The following ENPP1 variants were observed in gnomAD, a reference collection of about 807,000 sequenced individuals.
ENPP1 encodes ectonucleotide pyrophosphatase/phosphodiesterase 1.
In ENPP1, 73 loss-of-function variants were observed where a neutral mutation model predicts 122.8. The observed-to-expected ratio is 0.59, with a 90% CI of 0.49 to 0.72. ENPP1 has a LOEUF of 0.72. Ranked by LOEUF, ENPP1 falls within the 30% of genes least tolerant of loss-of-function variation. The pLI, the probability that ENPP1 is intolerant of heterozygous loss-of-function variation, is 0.00. For missense variants in ENPP1, 978 were observed against 1,128.1 expected (o/e 0.87, Z 1.91); for synonymous variants, 367 against 391.6 (o/e 0.94, Z 0.74).
chr6:131,821,758 G>A (rs12201710), intron 1 of ENPP1, among the ~76,000 whole-genome samples: 30,551 of 151,932 alleles, frequency 0.2, 3,630 homozygotes, highest in Admixed American at 0.27. Context: ...GCTTTCCATC[G>A]CACGATCAAT....
At chr6:131,859,611 G>C (rs1030763856) in intron 7 of ENPP1, among the ~76,000 whole-genome samples, 1 of 22,516 alleles carries the variant, frequency 4.4e-5, no homozygotes, top group Non-Finnish European at 8.9e-5. Flanking sequence ...GGGGCGGATG[G>C]GGGGAATGTG....
In ENPP1 at chr6:131,869,803, C is replaced by CTAA. The variant is rs1782137956; in HGVS notation, c.1405+315_1405+317dup. On this transcript the variant is annotated intron_variant, in intron 13 of 24. Coordinates refer to ENST00000647893, the MANE Select transcript of ENPP1 (RefSeq NM_006208.3). The stretch of plus-strand genomic sequence containing the variant: ...CCCAGGAGGCGGAGGTTACAGTGAG[C>CTAA]TAAGATCATGCCACTGTACTCCAGC... Among the ~76,000 whole-genome samples, 6 of 143,888 alleles carry CTAA rather than the reference C, an allele frequency of 4.2e-5. No individual in the cohort carries two copies. In the South Asian group the frequency reaches 1.1e-3, roughly 26 times the overall value. The allele number at this position is 143,888 out of a possible 152,430, so 94.4% of individuals were successfully genotyped here.
At chr6:131,828,093 A>G (rs1452914968) in intron 1 of ENPP1, 6 of 614,228 alleles carry the variant, frequency 9.8e-6, no homozygotes, top group Middle Eastern at 2.8e-4. Flanking sequence ...TTCTCGTAAC[A>G]GACAGCGTTG....
intron 1 of ENPP1, among the ~76,000 whole-genome samples, chr6:131,823,668 C>T (rs1781508471): frequency 6.6e-6 from 1 of 151,758 alleles, no homozygotes; most frequent in African/African-American, 2.4e-5. Context: ...TCAAATGAAA[C>T]ATTCTTTAGA....
intron 7 of ENPP1, 102 bp from the exon 8 acceptor site, chr6:131,860,285 A>G (rs1279671453): frequency 3.3e-6 from 3 of 900,574 alleles, no homozygotes; most frequent in African/African-American, 1.7e-5. Context: ...TTATAATTCC[A>G]TGTAGCTTCA....
intron 1 of ENPP1, among the ~76,000 whole-genome samples, chr6:131,844,971 T>C (rs375516123): frequency 8.6e-5 from 13 of 151,174 alleles, no homozygotes; most frequent in African/African-American, 3.2e-4. Context: ...ATGTGATAGA[T>C]GAGAAGAAGG....
At chr6:131,866,164 A>G (rs1782088569) in intron 11 of ENPP1, among the ~76,000 whole-genome samples, 1 of 152,168 alleles carries the variant, frequency 6.6e-6, no homozygotes, top group South Asian at 2.1e-4. Flanking sequence ...AGGTATTGCC[A>G]GGATCCCTCC....
At chr6:131,857,497 G>A (rs939048856) in intron 6 of ENPP1, among the ~76,000 whole-genome samples, 11 of 150,482 alleles carry the variant, frequency 7.3e-5, no homozygotes, top group Non-Finnish European at 1.0e-4. Flanking sequence ...CATGTCCTTT[G>A]TAGGGACATG....
At chr6:131,883,854 A>G in intron 22 of ENPP1, 80 bp downstream of exon 22, 1 of 762,280 alleles carries the variant, frequency 1.3e-6, no homozygotes, top group Non-Finnish European at 2.4e-6. Flanking sequence ...AATAGGACTT[A>G]TGGTCTAAAT....
chr6:131,848,418 C>A (rs533988616), intron 2 of ENPP1, among the ~76,000 whole-genome samples: 1 of 152,050 alleles, frequency 6.6e-6, no homozygotes, highest in Non-Finnish European at 1.5e-5. Context: ...TAGTTCCCCC[C>A]CCATCCTCTC....
intron 16 of ENPP1, among the ~76,000 whole-genome samples, chr6:131,875,004 C>A (rs1305876057): frequency 1.3e-5 from 2 of 152,052 alleles, no homozygotes; most frequent in Admixed American, 6.6e-5. Flanking sequence ...GGTAGCTAAA[C>A]AGTAGGCAAA....
chr6:131,826,988 A>G (rs1396198893), intron 1 of ENPP1: 3 of 462,586 alleles, frequency 6.5e-6, no homozygotes, highest in Non-Finnish European at 8.0e-6. Flanking sequence ...CCAGTGCAGG[A>G]TGGTCTACTA....
intron 13 of ENPP1, 61 bp downstream of exon 13, chr6:131,869,550 C>T (rs753346187): frequency 2.5e-5 from 39 of 1,548,742 alleles, no homozygotes; most frequent in Non-Finnish European, 3.1e-5. Flanking sequence ...TCCTTTAGGC[C>T]GGGCACAGTG....
At chr6:131,833,747 G>A (rs1781640371) in intron 1 of ENPP1, among the ~76,000 whole-genome samples, 1 of 152,196 alleles carries the variant, frequency 6.6e-6, no homozygotes, top group African/African-American at 2.4e-5. Flanking sequence ...AGATGCTGAA[G>A]TAAATCAGTA....
At chr6:131,854,639 C>G (rs2114695876) in intron 5 of ENPP1, among the ~76,000 whole-genome samples, 1 of 152,088 alleles carries the variant, frequency 6.6e-6, no homozygotes, top group South Asian at 2.1e-4. Flanking sequence ...CAGCAGGAAC[C>G]ATGAATGATG....
At position 131,893,450 on chromosome 6, in the gene ENPP1, G is replaced by A. The variant is rs1782499055; in HGVS notation, c.*2939G>A. 1 of 152,252 alleles carries A rather than the reference G, an allele frequency of 6.6e-6. No individual in the cohort carries two copies. The highest frequency in any genetic ancestry group is 2.4e-5 in the African/African-American group (1 of 41,468). 9.4% of individuals were successfully genotyped at this position (152,252 alleles called of 1,614,324 possible). ...GCCTTGGGGCTAAGGCTTGTAGGGT[G>A]AATTGGAACTTTTCAGATGAGCAAG... On this transcript the variant is annotated 3_prime_UTR_variant, in exon 25 of 25. Transcript: ENST00000647893.
rs555868405 is a variant in ENPP1, at chr6:131,833,102, T to C, written c.241-14674T>C. Among the ~76,000 whole-genome samples the C allele has an allele frequency of 2.0e-5, 3 of 152,342 alleles. No individual in the cohort carries two copies. In the South Asian group the frequency reaches 6.2e-4, roughly 32 times the overall value. ...AATAGAAATGGAATTGCAAGAGTGG[T>C]AAATATGCACACTTTGAATTTAGGT... On this transcript the variant is annotated intron_variant, in intron 1 of 24. Coordinates refer to ENST00000647893, the MANE Select transcript of ENPP1 (RefSeq NM_006208.3).
chr6:131,855,154 A>C, intron 6 of ENPP1, 131 bp downstream of exon 6: 1 of 729,744 alleles, frequency 1.4e-6, no homozygotes, highest in South Asian at 1.5e-5. Flanking sequence ...AAAGTAGTTG[A>C]ACCTTGTGTA....
intron 1 of ENPP1, among the ~76,000 whole-genome samples, chr6:131,843,188 G>A (rs1781762949): frequency 6.6e-6 from 1 of 152,150 alleles, no homozygotes; most frequent in African/African-American, 2.4e-5. Flanking sequence ...GAAAATTATT[G>A]AAGGGGAATT....
Sources: gnomAD v4.1 joint callset for allele counts (sites outside exome capture counted in the v4.1 genomes callset) on GRCh38, gnomAD v4.1.1 for gene constraint, MANE v1.5 for transcripts, NCBI Gene and HGNC (gene_info 2026-07-23, HGNC 2026-07-21) for gene names.